PEX5L: variants seen among roughly 807,000 people sequenced by gnomAD.
The protein encoded by PEX5L is PEX5-related protein.
A neutral mutation model predicts 84.0 loss-of-function variants in PEX5L; 30 were observed. That is an observed-to-expected ratio of 0.36 (90% CI 0.27 to 0.48). PEX5L has a LOEUF of 0.48. PEX5L is among the 20% of genes least tolerant of loss of function. PEX5L has a pLI of 0.99. For synonymous variants in PEX5L, 270 were observed against 283.1 expected, an observed-to-expected ratio of 0.95 and a Z score of 0.46; for missense variants, 533 against 754.6, an observed-to-expected ratio of 0.71 and a Z score of 3.44.
intron 1 of PEX5L, among the ~76,000 whole-genome samples, chr3:179,991,685 C>T (rs1787390612): frequency 6.6e-6 from 1 of 152,148 alleles, no homozygotes; most frequent in East Asian, 1.9e-4. Flanking sequence ...CATGCGTCTT[C>T]CATCTCTGAC....
intron 1 of PEX5L, among the ~76,000 whole-genome samples, chr3:179,975,125 G>C (rs12630104): frequency 0.17 from 25,234 of 152,048 alleles, 2,340 homozygotes; most frequent in Admixed American, 0.25. Flanking sequence ...AGAGTTTGAG[G>C]CTGCAGTAAG....
intron 8 of PEX5L, among the ~76,000 whole-genome samples, chr3:179,837,308 T>G (rs1023117359): frequency 1.3e-5 from 2 of 152,194 alleles, no homozygotes; most frequent in African/African-American, 4.8e-5. Flanking sequence ...ACCTTCAAAC[T>G]GCAAATCAGA....
chr3:179,932,012 T>C (rs1449237217), intron 2 of PEX5L, among the ~76,000 whole-genome samples: 1 of 152,208 alleles, frequency 6.6e-6, no homozygotes. Context: ...AATATTTCTA[T>C]GTACAAGGAT....
chr3:179,802,536 A>AG (rs1487578512), intron 14 of PEX5L, among the ~76,000 whole-genome samples: 71 of 142,546 alleles, frequency 5.0e-4, no homozygotes, highest in African/African-American at 1.9e-3. Context: ...CTGTCTCAAA[A>AG]AAAAAAAAAA....
intron 1 of PEX5L, among the ~76,000 whole-genome samples, chr3:180,029,854 TG>T (rs56158438): frequency 0.15 from 23,071 of 152,174 alleles, 2,231 homozygotes; most frequent in African/African-American, 0.27. Context: ...CCGAATCAAA[TG>T]TTATATCCCT....
chr3:179,831,521 T>C (rs1732940657), intron 8 of PEX5L, among the ~76,000 whole-genome samples: 2 of 152,286 alleles, frequency 1.3e-5, no homozygotes, highest in South Asian at 4.1e-4. Context: ...GGAGGCAGTA[T>C]TTTAGTCACC....
At chr3:179,876,232 G>A (rs190123836) in intron 5 of PEX5L, among the ~76,000 whole-genome samples, 9 of 152,168 alleles carry the variant, frequency 5.9e-5, no homozygotes, top group Non-Finnish European at 8.8e-5. Context: ...GGTGGCTCAC[G>A]CCTATAATCC....
chr3:179,920,751 G>T (rs1477768471), intron 2 of PEX5L, among the ~76,000 whole-genome samples: 1 of 152,016 alleles, frequency 6.6e-6, no homozygotes, highest in Non-Finnish European at 1.5e-5. Context: ...TATTAATTTT[G>T]TTCAATATGG....
rs149499614 is a variant in PEX5L, at chr3:179,864,268, C to T, written c.727-5111G>A. On this transcript the variant is annotated intron_variant, in intron 7 of 14. Transcript: ENST00000467460. ...TCATTGCAGCATTATTCACAATAGC[C>T]AAGATACAGAATCAGTCTGTCTATC... Among the ~76,000 whole-genome samples, 715 of 152,120 alleles carry T rather than the reference C, an allele frequency of 4.7e-3. 6 individuals are homozygous for T. Among genetic ancestry groups the T allele is most frequent in the East Asian group, 0.029 (152 of 5,186 alleles).
chr3:179,858,985 A>G, intron 8 of PEX5L, 77 bp downstream of exon 8: 1 of 866,280 alleles, frequency 1.2e-6, no homozygotes, highest in Non-Finnish European at 2.0e-6. Flanking sequence ...TTTCATTTCT[A>G]TCTTGCTGAA....
intron 8 of PEX5L, among the ~76,000 whole-genome samples, chr3:179,824,498 G>A (rs1319743981): frequency 6.6e-6 from 1 of 152,098 alleles, no homozygotes; most frequent in Non-Finnish European, 1.5e-5. Flanking sequence ...CTGAGGTCGG[G>A]AGTTTGAGAC....
At chr3:179,971,125 A>G (rs1784615020) in intron 2 of PEX5L, among the ~76,000 whole-genome samples, 1 of 152,112 alleles carries the variant, frequency 6.6e-6, no homozygotes, top group Non-Finnish European at 1.5e-5. Context: ...ATCTTTATAT[A>G]TATTGCAGAC....
At chr3:180,014,140 A>T (rs987196038) in intron 1 of PEX5L, among the ~76,000 whole-genome samples, 1 of 152,238 alleles carries the variant, frequency 6.6e-6, no homozygotes, top group Admixed American at 6.5e-5. Context: ...TCATGTCACT[A>T]GTTTCTCTTA....
rs1412095096 is a variant in PEX5L, at chr3:179,859,140, T to G, written c.744A>C (p.Glu248Asp). The G allele has an allele frequency of 6.2e-7, 1 of 1,613,708 alleles. No individual in the cohort carries two copies. The highest frequency in any genetic ancestry group is 2.2e-5 in the East Asian group (1 of 44,884). Residue 248 changes from glutamate (E) to aspartate (D), a missense_variant, in exon 8 of 15, where the codon GAA becomes GAC. Glu to Asp is a conservative substitution (Grantham distance 45). This residue lies in a region of PEX5L where 259 missense variants were observed against 301.7 expected (regional missense o/e 0.86). Coordinates refer to ENST00000467460, the MANE Select transcript of PEX5L (RefSeq NM_016559.3). ...VAPTQARLTK[E>D]HRWGSALLSR... ...AAAGTAATGCGCTTCCCCAGCGATG[T>G]TCTTTGGTCAGTCGAGCCTGAAATC...
At chr3:179,971,561 A>AACAGT (rs1177079903) in intron 2 of PEX5L, 33 bp downstream of exon 2, 19 of 1,591,542 alleles carry the variant, frequency 1.2e-5, no homozygotes, top group Non-Finnish European at 1.6e-5. Context: ...TATACAGTAG[A>AACAGT]ACAGTAGAAA....
At chr3:179,880,269 A>T in intron 4 of PEX5L, 146 bp from the exon 5 acceptor site, 1 of 518,952 alleles carries the variant, frequency 1.9e-6, no homozygotes. Flanking sequence ...TTATAGAGAC[A>T]GCTTGTTAGA....
intron 8 of PEX5L, among the ~76,000 whole-genome samples, chr3:179,853,429 AC>A (rs1742701303): frequency 1.3e-5 from 2 of 152,312 alleles, no homozygotes; most frequent in Admixed American, 6.5e-5. Flanking sequence ...CTGACTTCTT[AC>A]ATGACCTTCT....
At position 179,795,670 on chromosome 3, in the gene PEX5L, A is replaced by C. The variant is rs990225639; in HGVS notation, c.*6158T>G. 3.3e-5 allele frequency: 5 copies of C among 152,144 alleles called. No homozygotes were observed. Among genetic ancestry groups the C allele is most frequent in the African/African-American group, 1.2e-4 (5 of 41,434 alleles). 9.4% of individuals were successfully genotyped at this position (152,144 alleles called of 1,614,324 possible). A position where few individuals can be genotyped will look rare whatever the true frequency, so the allele number is the denominator to read the frequency against. ...TTTAAACTTAAATTTTTTTCTTGTT[A>C]TCTATTTCAGCCTGAAAATGAAATC... On this transcript the variant is annotated 3_prime_UTR_variant, in exon 15 of 15. Transcript: ENST00000467460.
chr3:180,014,216 T>A (rs1205552178), intron 1 of PEX5L, among the ~76,000 whole-genome samples: 1 of 152,222 alleles, frequency 6.6e-6, no homozygotes, highest in East Asian at 1.9e-4. Context: ...CAATGTCTAA[T>A]GCACATCACC....
Sources: gnomAD v4.1 joint callset for allele counts (sites outside exome capture counted in the v4.1 genomes callset) on GRCh38, gnomAD v4.1.1 for gene constraint, gnomAD v4.1.1 regional missense constraint, MANE v1.5 for transcripts, NCBI Gene and HGNC (gene_info 2026-07-23, HGNC 2026-07-21) for gene names.